CSMD3: variants seen among roughly 807,000 people sequenced by gnomAD.
CSMD3 encodes the protein CUB and sushi domain-containing protein 3.
Under a neutral mutation model 435.2 loss-of-function variants are expected in CSMD3, and 177 were observed. That is an observed-to-expected ratio of 0.41 (90% confidence interval 0.36 to 0.46). The LOEUF is 0.46. CSMD3 is among the 20% of genes least tolerant of loss of function. The pLI, the probability that CSMD3 is intolerant of heterozygous loss-of-function variation, is 0.34. For synonymous variants in CSMD3, 1,656 were observed against 1,520.5 expected, an observed-to-expected ratio of 1.09 and a Z score of -2.07; for missense variants, 4,265 against 4,504.6, an observed-to-expected ratio of 0.95 and a Z score of 1.52.
At chr8:113,262,160 ATATATGAT>A (rs2093432199) in intron 3 of CSMD3, among the ~76,000 whole-genome samples, 2 of 152,092 alleles carry the variant, frequency 1.3e-5, no homozygotes, top group Admixed American at 6.6e-5. Flanking sequence ...TTGAAGCATA[ATATATGAT>A]TATGATTGAA....
intron 31 of CSMD3, among the ~76,000 whole-genome samples, chr8:112,479,189 A>G (rs1819382074): frequency 1.3e-5 from 2 of 152,298 alleles, no homozygotes; most frequent in South Asian, 2.1e-4. Flanking sequence ...CTGGCCAGAG[A>G]TTCACGGCTT....
intron 13 of CSMD3, among the ~76,000 whole-genome samples, chr8:112,736,962 T>G (rs188109931): frequency 6.6e-6 from 1 of 152,112 alleles, no homozygotes; most frequent in Non-Finnish European, 1.5e-5. Flanking sequence ...GCTTTGCTAT[T>G]TTAATTGTTG....
rs779995662 is a variant in CSMD3 at position 113,436,819 on chromosome 8, C to A, written c.36G>T (p.Lys12Asn). 6.2e-7 allele frequency: 1 copy of A among 1,614,160 alleles called. No individual in the cohort carries two copies. The highest frequency in any genetic ancestry group is 2.2e-5 in the East Asian group (1 of 44,876). Residue 12 changes from lysine to asparagine, a missense_variant, in exon 1 of 71, where the codon AAG becomes AAT. Lys to Asn is a moderately conservative substitution (Grantham distance 94, BLOSUM62 0). Transcript: ENST00000297405. ...TGCCAGGCTCCCAGGGTTTGGATTCCTTTGCTCGGCTTTCCCCTTTGCGGA... is the reference window on the plus strand; with the variant it reads ...TGCCAGGCTCCCAGGGTTTGGATTCATTTGCTCGGCTTTCCCCTTTGCGGA... ...KGIRKGESRA[K>N]ESKPWEPGKR...
At chr8:112,747,836 G>A (rs904528339) in intron 13 of CSMD3, among the ~76,000 whole-genome samples, 6 of 151,820 alleles carry the variant, frequency 4.0e-5, no homozygotes, top group Non-Finnish European at 5.9e-5. Flanking sequence ...AGTGGCGGGC[G>A]CCTATAGTCC....
At chr8:113,121,046 G>A (rs1050918101) in intron 4 of CSMD3, among the ~76,000 whole-genome samples, 1 of 152,070 alleles carries the variant, frequency 6.6e-6, no homozygotes, top group Non-Finnish European at 1.5e-5. Context: ...AGTGATGTCC[G>A]TGGGCTCTTT....
At chr8:113,361,631 A>G (rs994708242) in intron 1 of CSMD3, among the ~76,000 whole-genome samples, 2 of 152,106 alleles carry the variant, frequency 1.3e-5, no homozygotes, top group Non-Finnish European at 2.9e-5. Flanking sequence ...ATGTACTGTT[A>G]TTTTATCACA....
intron 18 of CSMD3, among the ~76,000 whole-genome samples, chr8:112,652,065 T>C (rs1431259576): frequency 6.6e-6 from 1 of 152,222 alleles, no homozygotes; most frequent in East Asian, 1.9e-4. Flanking sequence ...GACATACGTA[T>C]AGCCAAAACA....
intron 13 of CSMD3, among the ~76,000 whole-genome samples, chr8:112,742,850 T>C (rs767699537): frequency 3.1e-4 from 47 of 152,022 alleles, no homozygotes; most frequent in Non-Finnish European, 2.4e-4. Context: ...AATTTTCCTA[T>C]AGAGAATGGG....
chr8:112,239,591 T>C (rs893742710), intron 66 of CSMD3, among the ~76,000 whole-genome samples: 4 of 152,114 alleles, frequency 2.6e-5, no homozygotes, highest in Admixed American at 2.6e-4. Flanking sequence ...GAAATAATTT[T>C]AACCAGTTCT....
At chr8:112,498,427 G>A (rs1563621096) in intron 30 of CSMD3, among the ~76,000 whole-genome samples, 1 of 152,052 alleles carries the variant, frequency 6.6e-6, no homozygotes, top group Non-Finnish European at 1.5e-5. Context: ...AATAGGGAGG[G>A]ACATATATTC....
intron 1 of CSMD3, among the ~76,000 whole-genome samples, chr8:113,344,026 T>C (rs1261214350): frequency 2.0e-5 from 3 of 152,190 alleles, no homozygotes; most frequent in Admixed American, 2.0e-4. Flanking sequence ...TATTTTTAGG[T>C]ATATAGGTAT....
At chr8:112,993,863 G>A (rs1337367597) in intron 6 of CSMD3, among the ~76,000 whole-genome samples, 5 of 151,680 alleles carry the variant, frequency 3.3e-5, no homozygotes. Context: ...AGAGAGGAGA[G>A]GTAGAGATGA....
At chr8:113,341,290 T>C (rs1416508716) in intron 1 of CSMD3, among the ~76,000 whole-genome samples, 3 of 152,116 alleles carry the variant, frequency 2.0e-5, no homozygotes, top group Non-Finnish European at 4.4e-5. Context: ...ACTGTGAAAA[T>C]AGAGTACTAG....
chr8:112,681,729 C>T (rs1204835858), intron 16 of CSMD3, among the ~76,000 whole-genome samples: 2 of 151,766 alleles, frequency 1.3e-5, no homozygotes, highest in African/African-American at 4.8e-5. Flanking sequence ...TAGCTGGGCA[C>T]GGAGGCATGC....
intron 5 of CSMD3, among the ~76,000 whole-genome samples, chr8:113,063,810 T>C (rs1213565666): frequency 1.3e-5 from 2 of 151,916 alleles, no homozygotes; most frequent in African/African-American, 4.8e-5. Flanking sequence ...TCAGTAAATG[T>C]AATATCAGAA....
intron 68 of CSMD3, among the ~76,000 whole-genome samples, chr8:112,232,346 G>A (rs930685290): frequency 6.6e-6 from 1 of 152,160 alleles, no homozygotes; most frequent in Admixed American, 6.5e-5. Flanking sequence ...GGTGGCTCAC[G>A]CCTGTAATTC....
In CSMD3 at chr8:112,637,392, T is replaced by C. The variant is rs2074691888; in HGVS notation, c.3527-387A>G. Among the ~76,000 whole-genome samples the C allele has an allele frequency of 2.6e-5, 3 of 114,132 alleles. No individual in the cohort carries two copies. The South Asian group carries it at 8.1e-4, about 31-fold the overall frequency. 74.9% of individuals were successfully genotyped at this position (114,132 alleles called of 152,430 possible). A position where few individuals can be genotyped will look rare whatever the true frequency, so the allele number is the denominator to read the frequency against. On this transcript the variant is annotated intron_variant, in intron 21 of 70. Coordinates refer to ENST00000297405, the MANE Select transcript of CSMD3 (RefSeq NM_198123.2). ...ACATTTGAAATGAAATCATTTGCAC[T>C]TTTGAAATGCTTTTGCTTAATATTT...
intron 38 of CSMD3, among the ~76,000 whole-genome samples, chr8:112,363,313 G>C (rs1827434235): frequency 1.3e-5 from 2 of 152,000 alleles, no homozygotes; most frequent in Admixed American, 6.6e-5. Context: ...GCACTGAAGT[G>C]AGGATGTCCA....
At chr8:112,773,893 G>C (rs1014804760) in intron 13 of CSMD3, among the ~76,000 whole-genome samples, 1 of 152,000 alleles carries the variant, frequency 6.6e-6, no homozygotes, top group Admixed American at 6.6e-5. Flanking sequence ...GGAACTCTGC[G>C]TGAGCTTTTA....
Sources: gnomAD v4.1 joint callset for allele counts (sites outside exome capture counted in the v4.1 genomes callset) on GRCh38, gnomAD v4.1.1 for gene constraint, MANE v1.5 for transcripts, NCBI Gene and HGNC (gene_info 2026-07-23, HGNC 2026-07-21) for gene names.